Variants in TOX observed in about 807,000 individuals in gnomAD.
TOX encodes thymocyte selection associated high mobility group box, also known as thymocyte selection-associated high mobility group box protein TOX.
Under a neutral mutation model 53.7 loss-of-function variants are expected in TOX, and 11 were observed. The ratio of observed to expected loss-of-function variants is 0.20; its 90% CI spans 0.13 to 0.34. The LOEUF (loss-of-function observed/expected upper bound fraction) is 0.34, where lower values mean the gene tolerates loss of function less well. TOX is among the 10% of genes least tolerant of loss of function. TOX has a pLI of 1.00. For synonymous variants in TOX, 225 were observed against 245.3 expected (o/e 0.92, Z 0.77); for missense variants, 570 against 664.6 (o/e 0.86, Z 1.56).
intron 1 of TOX, among the ~76,000 whole-genome samples, chr8:59,099,349 C>T (rs1804765991): frequency 6.6e-6 from 1 of 152,140 alleles, no homozygotes; most frequent in Non-Finnish European, 1.5e-5. Flanking sequence ...TCTACCATAC[C>T]AAGCTACAAA....
At chr8:59,077,179 A>C (rs1028314465) in intron 1 of TOX, among the ~76,000 whole-genome samples, 2 of 152,246 alleles carry the variant, frequency 1.3e-5, no homozygotes. Context: ...CCACAGGCAC[A>C]GATAACCACC....
chr8:58,965,921 T>G (rs907826300), intron 1 of TOX, among the ~76,000 whole-genome samples: 9 of 147,446 alleles, frequency 6.1e-5, no homozygotes, highest in African/African-American at 1.2e-4. Context: ...TTTTTTTTTT[T>G]TTTTGGTAAC....
chr8:58,984,055 C>T (rs1813277235), intron 1 of TOX, among the ~76,000 whole-genome samples: 1 of 152,068 alleles, frequency 6.6e-6, no homozygotes, highest in Non-Finnish European at 1.5e-5. Flanking sequence ...ATTTTTTAAA[C>T]AAATGTCAAA....
In TOX at chr8:58,975,465, GT is replaced by G. The variant is rs1167398206; in HGVS notation, c.103-15458del. Among the ~76,000 whole-genome samples, 3 of 152,160 alleles carry G rather than the reference GT, an allele frequency of 2.0e-5. No homozygotes were observed. In the East Asian group the frequency reaches 5.8e-4, roughly 29 times the overall value. On this transcript the variant is annotated intron_variant, in intron 1 of 8. Coordinates refer to ENST00000361421, the MANE Select transcript of TOX (RefSeq NM_014729.3). ...CAGGTATATCTAGGAAATATTGTGG[GT>G]TTTGTTCTAGACCATCACAATAAAG...
intron 5 of TOX, among the ~76,000 whole-genome samples, chr8:58,836,610 GA>G: frequency 6.6e-6 from 1 of 152,164 alleles, no homozygotes; most frequent in African/African-American, 2.4e-5. Flanking sequence ...GAAATACGTA[GA>G]GATTTCAGAT....
intron 1 of TOX, among the ~76,000 whole-genome samples, chr8:59,019,741 C>T (rs940870185): frequency 4.6e-5 from 7 of 152,018 alleles, no homozygotes; most frequent in Non-Finnish European, 2.9e-5. Context: ...TATATTTGAC[C>T]ATATAAAATG....
chr8:59,082,010 A>T (rs1804417208), intron 1 of TOX, among the ~76,000 whole-genome samples: 1 of 152,214 alleles, frequency 6.6e-6, no homozygotes, highest in African/African-American at 2.4e-5. Context: ...TTGTCAACTA[A>T]AGCAGTGATT....
chr8:58,997,205 G>A (rs1266078317), intron 1 of TOX, among the ~76,000 whole-genome samples: 2 of 152,212 alleles, frequency 1.3e-5, no homozygotes, highest in African/African-American at 4.8e-5. Context: ...CAGTCTATGA[G>A]GAAAGGTGAG....
intron 1 of TOX, among the ~76,000 whole-genome samples, chr8:59,107,239 T>G (rs1244336416): frequency 6.6e-6 from 1 of 152,148 alleles, no homozygotes; most frequent in Non-Finnish European, 1.5e-5. Flanking sequence ...CATCAAACCT[T>G]TCAATTTATG....
chr8:58,963,672 G>T (rs78474384), intron 1 of TOX, among the ~76,000 whole-genome samples: 2 of 151,924 alleles, frequency 1.3e-5, no homozygotes, highest in African/African-American at 2.4e-5. Flanking sequence ...TTCACTTGTC[G>T]CAGTGTTTTG....
intron 3 of TOX, among the ~76,000 whole-genome samples, chr8:58,899,280 G>A (rs985975719): frequency 3.3e-5 from 5 of 152,196 alleles, no homozygotes; most frequent in Non-Finnish European, 7.3e-5. Flanking sequence ...AGCCCTTGCA[G>A]ACAACTATTT....
At chr8:58,983,715 T>G (rs1320819837) in intron 1 of TOX, among the ~76,000 whole-genome samples, 1 of 152,256 alleles carries the variant, frequency 6.6e-6, no homozygotes, top group Non-Finnish European at 1.5e-5. Context: ...TGTATGTTTT[T>G]GAGTGTATTC....
intron 6 of TOX, among the ~76,000 whole-genome samples, chr8:58,819,805 A>G (rs1469483000): frequency 6.6e-6 from 1 of 152,222 alleles, no homozygotes; most frequent in Admixed American, 6.5e-5. Context: ...AGTGGAAGGA[A>G]CAATATAAGA....
intron 5 of TOX, among the ~76,000 whole-genome samples, chr8:58,837,664 T>A (rs1810569725): frequency 6.6e-6 from 1 of 152,166 alleles, no homozygotes; most frequent in Non-Finnish European, 1.5e-5. Context: ...AACCCTTGAA[T>A]TTGAGGTTCA....
intron 1 of TOX, among the ~76,000 whole-genome samples, chr8:58,989,381 T>C (rs868268098): frequency 6.6e-5 from 10 of 152,074 alleles, no homozygotes; most frequent in Middle Eastern, 3.4e-3. Flanking sequence ...TGTTATAAAG[T>C]GTCCTTTTTA....
At chr8:59,031,212 A>G (rs1814350212) in intron 1 of TOX, among the ~76,000 whole-genome samples, 1 of 152,186 alleles carries the variant, frequency 6.6e-6, no homozygotes, top group Non-Finnish European at 1.5e-5. Context: ...ATAATAACTC[A>G]CACTTAAAGT....
chr8:59,063,573 G>A (rs1040764669), intron 1 of TOX, among the ~76,000 whole-genome samples: 12 of 151,724 alleles, frequency 7.9e-5, no homozygotes, highest in Non-Finnish European at 1.8e-4. Flanking sequence ...ACAGGTGCAT[G>A]CCACCACGCC....
intron 6 of TOX, among the ~76,000 whole-genome samples, chr8:58,822,850 T>C (rs1810304773): frequency 6.6e-6 from 1 of 152,224 alleles, no homozygotes; most frequent in African/African-American, 2.4e-5. Context: ...AGTGGGCAGT[T>C]TGAGTCCTAC....
chr8:58,921,918 T>C (rs543050016), intron 3 of TOX, among the ~76,000 whole-genome samples: 1 of 152,358 alleles, frequency 6.6e-6, no homozygotes, highest in Admixed American at 6.5e-5. Context: ...ATGATGATGA[T>C]GTTCTATTAC....
Sources: allele counts gnomAD v4.1 joint callset (sites outside exome capture counted in the v4.1 genomes callset), GRCh38; gene constraint gnomAD v4.1.1; transcripts MANE v1.5; gene names NCBI Gene and HGNC (gene_info 2026-07-23, HGNC 2026-07-21).